Variants in ZDHHC11B observed in about 807,000 individuals in gnomAD.
ZDHHC11B encodes zDHHC palmitoyltransferase 11B (putative), also known as probable palmitoyltransferase ZDHHC11B.
Under a neutral mutation model 42.3 loss-of-function variants are expected in ZDHHC11B, and 17 were observed. The observed-to-expected ratio is 0.40, with a 90% CI of 0.27 to 0.60. The LOEUF (loss-of-function observed/expected upper bound fraction) is 0.60. ZDHHC11B is among the 20% of genes least tolerant of loss of function. The pLI is 0.41. For missense variants in ZDHHC11B, 262 were observed against 463.2 expected (o/e 0.57, Z 3.99); for synonymous variants, 123 against 193.5 (o/e 0.64, Z 3.02).
At chr5:771,527 T>C (rs677266) in intron 1 of ZDHHC11B, among the ~76,000 whole-genome samples, 124,529 of 147,054 alleles carry the variant, frequency 0.85, 52,859 homozygotes, top group East Asian at 0.98. Context: ...GGAAGGGCCG[T>C]CTGGGGGCAG....
chr5:748,099 A>G lies in ZDHHC11B; in HGVS notation c.784+305T>C. ...AATAGATTCCATTCCATTTTCTCTGAACATTTTAAACTTGTTACTTCAAGC... is the reference window on the plus strand; with the variant it reads ...AATAGATTCCATTCCATTTTCTCTGGACATTTTAAACTTGTTACTTCAAGC... On this transcript the variant is annotated intron_variant, in intron 8 of 13. Coordinates refer to ENST00000508859, the MANE Select transcript of ZDHHC11B (RefSeq NM_001351303.2). The G allele has an allele frequency of 1.2e-5, 6 of 518,568 alleles. 2 individuals carry two copies. The highest frequency in any genetic ancestry group is 2.0e-5 in the Non-Finnish European group (6 of 301,176). 32.1% of individuals were successfully genotyped at this position (518,568 alleles called of 1,614,324 possible). A position where few individuals can be genotyped will look rare whatever the true frequency, so the allele number is the denominator to read the frequency against.
intron 12 of ZDHHC11B, among the ~76,000 whole-genome samples, chr5:720,005 G>A (rs1742065115): frequency 6.6e-6 from 1 of 151,728 alleles, no homozygotes; most frequent in Non-Finnish European, 1.5e-5. Context: ...AAAAAACATA[G>A]TGTATACAGG....
At chr5:770,972 G>GCA (rs1735980127) in intron 1 of ZDHHC11B, among the ~76,000 whole-genome samples, 1 of 151,894 alleles carries the variant, frequency 6.6e-6, no homozygotes, top group Admixed American at 6.6e-5. Flanking sequence ...ATGGGCTTCG[G>GCA]TAAGACCCAG....
intron 1 of ZDHHC11B, among the ~76,000 whole-genome samples, chr5:772,461 C>T (rs1384801709): frequency 7.9e-5 from 12 of 151,958 alleles, no homozygotes; most frequent in Non-Finnish European, 1.5e-4. Context: ...TGGATACCCA[C>T]GTCCACTGTC....
At chr5:777,504 G>A (rs1314471745) in intron 1 of ZDHHC11B, among the ~76,000 whole-genome samples, 1 of 151,872 alleles carries the variant, frequency 6.6e-6, no homozygotes, top group African/African-American at 2.4e-5. Context: ...ATTGCTAAGA[G>A]CAAAAGAACA....
chr5:779,193 C>T lies in ZDHHC11B; in HGVS notation c.-230+5475G>A, dbSNP rs556357911. Among the ~76,000 whole-genome samples the T allele has an allele frequency of 8.8e-4, 134 of 151,608 alleles. 1 individual carries two copies. The highest frequency in any genetic ancestry group is 3.1e-3 in the African/African-American group (127 of 41,020). On this transcript the variant is annotated intron_variant, in intron 1 of 13. Coordinates refer to ENST00000508859, the MANE Select transcript of ZDHHC11B (RefSeq NM_001351303.2). ...CACACGCCCAGGACAACTGGAGCCA[C>T]CAGAAGCTAGAAGAGGCAGGGAGCG...
At position 777,970 on chromosome 5, in the gene ZDHHC11B, G is replaced by C. The variant is rs566677182; in HGVS notation, c.-230+6698C>G. Among the ~76,000 whole-genome samples the C allele has an allele frequency of 5.8e-3, 878 of 151,552 alleles. 12 individuals carry two copies. Among genetic ancestry groups the C allele is most frequent in the African/African-American group, 0.02 (832 of 41,030 alleles). On this transcript the variant is annotated intron_variant, in intron 1 of 13. Transcript: ENST00000508859. ...GGCGGGTCCCGAGCCCTGCCCAGCA[G>C]GGAGGCGGCTGAGGCCCCGCGAGAA...
chr5:766,565 G>C, intron 4 of ZDHHC11B, 133 bp downstream of exon 4: 1 of 1,040,552 alleles, frequency 9.6e-7, no homozygotes. Flanking sequence ...CTGCAGGCTC[G>C]GGGGACATAG....
At chr5:767,337 C>G (rs1371678911) in intron 3 of ZDHHC11B, 55 bp downstream of exon 3, 1 of 1,556,752 alleles carries the variant, frequency 6.4e-7, no homozygotes, top group African/African-American at 1.3e-5. Context: ...GGTCCCACAC[C>G]AGGGCGCAGC....
At chr5:725,012 TG>T (rs755289161) in intron 12 of ZDHHC11B, among the ~76,000 whole-genome samples, 15 of 149,740 alleles carry the variant, frequency 1.0e-4, no homozygotes, top group Non-Finnish European at 2.1e-4. Flanking sequence ...TTCCTGTAGA[TG>T]GTGAGCCTGT....
At chr5:732,402 C>T (rs1269235098) in intron 11 of ZDHHC11B, 7 of 301,008 alleles carry the variant, frequency 2.3e-5, no homozygotes, top group East Asian at 9.3e-5. Context: ...AAGGTGTCAA[C>T]GTGGACAATC....
In ZDHHC11B at chr5:748,303, G is replaced by A. The variant is rs1425126137; in HGVS notation, c.784+101C>T. The A allele has an allele frequency of 9.2e-6, 8 of 872,650 alleles. 1 individual carries two copies. The highest frequency in any genetic ancestry group is 1.5e-5 in the African/African-American group (1 of 65,080). 54.1% of individuals were successfully genotyped at this position (872,650 alleles called of 1,614,324 possible). A position where few individuals can be genotyped will look rare whatever the true frequency, so the allele number is the denominator to read the frequency against. On this transcript the variant is annotated intron_variant, in intron 8 of 13. Transcript: ENST00000508859. ...GGACAAAGACTCTGGCCCCAGGTGT[G>A]GGGGGCTCAGGGTTAGGGACATACT...
At chr5:721,522 C>T (rs379110) in intron 12 of ZDHHC11B, among the ~76,000 whole-genome samples, 73,143 of 147,536 alleles carry the variant, frequency 0.5, 14,443 homozygotes, top group African/African-American at 0.55. Flanking sequence ...TCCCGGGCCC[C>T]GAGATATGGA....
intron 12 of ZDHHC11B, among the ~76,000 whole-genome samples, chr5:718,695 C>A (rs79448531): frequency 0.011 from 1,273 of 116,624 alleles, no homozygotes; most frequent in Middle Eastern, 0.013. Context: ...GACTCTGTCT[C>A]AAAAAAAAAA....
intron 10 of ZDHHC11B, among the ~76,000 whole-genome samples, chr5:739,181 T>C (rs1161057382): frequency 1.3e-5 from 2 of 150,690 alleles, no homozygotes; most frequent in East Asian, 2.0e-4. Flanking sequence ...GGCAGATCAC[T>C]TGAAGTCAAG....
rs192752398 is a variant in ZDHHC11B at position 747,653 on chromosome 5, T to C, written c.784+751A>G. On this transcript the variant is annotated intron_variant, in intron 8 of 13. Coordinates refer to ENST00000508859, the MANE Select transcript of ZDHHC11B (RefSeq NM_001351303.2). Reference sequence around the variant, plus strand: ...CCCACCCGATCCCCTCTGCCCTGACTAGGCGTTGGCCAAGCTGTCAGGAGC... The same window carrying C: ...CCCACCCGATCCCCTCTGCCCTGACCAGGCGTTGGCCAAGCTGTCAGGAGC... The C allele has an allele frequency of 5.0e-3, 815 of 163,336 alleles. 30 individuals carry two copies. Among genetic ancestry groups the C allele is most frequent in the Middle Eastern group, 6.1e-3 (2 of 330 alleles). 10.1% of individuals were successfully genotyped at this position (163,336 alleles called of 1,614,324 possible).
At chr5:715,690 A>G (rs576917963) in intron 13 of ZDHHC11B, among the ~76,000 whole-genome samples, 1 of 151,570 alleles carries the variant, frequency 6.6e-6, no homozygotes, top group South Asian at 2.1e-4. Context: ...CTAGAGAACA[A>G]TTTTCACAGG....
chr5:772,916 A>T (rs1265060640), intron 1 of ZDHHC11B, among the ~76,000 whole-genome samples: 1 of 151,918 alleles, frequency 6.6e-6, no homozygotes, highest in Non-Finnish European at 1.5e-5. Flanking sequence ...GTATTAGTTT[A>T]ACAAAATATT....
chr5:749,576 G>T (rs1745336120), intron 7 of ZDHHC11B, among the ~76,000 whole-genome samples: 1 of 130,126 alleles, frequency 7.7e-6, no homozygotes, highest in African/African-American at 2.5e-5. Context: ...TGAGAACAAG[G>T]AGCTGCTTTG....
Sources: allele counts gnomAD v4.1 joint callset (sites outside exome capture counted in the v4.1 genomes callset), GRCh38; gene constraint gnomAD v4.1.1; transcripts MANE v1.5; gene names NCBI Gene and HGNC (gene_info 2026-07-23, HGNC 2026-07-21).